Variants in BICD1 observed in about 807,000 individuals in gnomAD.
The protein encoded by BICD1 is BICD cargo adaptor 1.
Under a neutral mutation model 92.5 loss-of-function variants are expected in BICD1, and 35 were observed. The observed-to-expected ratio is 0.38, with a 90% CI of 0.29 to 0.50. BICD1 has a LOEUF of 0.50. Among genes scored for constraint, BICD1 ranks in the 20% least tolerant of loss-of-function variants. BICD1 has a pLI of 0.93. For missense variants in BICD1, 950 were observed against 1,189.8 expected (o/e 0.80, Z 2.97); for synonymous variants, 429 against 465.1 (o/e 0.92, Z 1.00).
chr12:32,374,649 C>A (rs1226411321), intron 9 of BICD1, among the ~76,000 whole-genome samples: 1 of 145,826 alleles, frequency 6.9e-6, no homozygotes, highest in African/African-American at 2.5e-5. Context: ...CTCACCGCAA[C>A]GTCTGCCTCC....
chr12:32,168,640 A>T (rs1434647480), intron 1 of BICD1, among the ~76,000 whole-genome samples: 4 of 152,146 alleles, frequency 2.6e-5, no homozygotes, highest in African/African-American at 4.8e-5. Flanking sequence ...TGGGATGTGA[A>T]CCACTCTCTT....
At chr12:32,277,992 G>A (rs1947320756) in intron 2 of BICD1, among the ~76,000 whole-genome samples, 1 of 152,098 alleles carries the variant, frequency 6.6e-6, no homozygotes, top group Admixed American at 6.5e-5. Flanking sequence ...ATGGTGATGG[G>A]AACTAAAATT....
rs1184358188 is a variant in BICD1 at position 32,142,496 on chromosome 12, A to ATTGG, written c.213+34953_213+34954insTGGT. ...TATCTATCTATCTATCTATTGGTCT[A>ATTGG]TCTATCTAGATAAAAATAGCAGTCA... On this transcript the variant is annotated intron_variant, in intron 1 of 9. Transcript: ENST00000652176. 4.9e-3 allele frequency among the ~76,000 whole-genome samples: 357 copies of ATTGG among 73,324 alleles called. 2 individuals carry two copies. Among genetic ancestry groups the ATTGG allele is most frequent in the Non-Finnish European group, 7.0e-3 (251 of 36,098 alleles). 48.1% of individuals were successfully genotyped at this position (73,324 alleles called of 152,430 possible).
intron 2 of BICD1, among the ~76,000 whole-genome samples, chr12:32,262,835 ACT>A (rs1478479338): frequency 2.0e-5 from 3 of 152,060 alleles, no homozygotes; most frequent in Non-Finnish European, 4.4e-5. Context: ...GAGAGAACAA[ACT>A]CTGCTGTTTA....
rs1035182004 is a variant in BICD1, at chr12:32,107,107, CT to C, written c.-224del. The C allele has an allele frequency of 1.8e-6, 1 of 563,272 alleles. No individual in the cohort carries two copies. Among genetic ancestry groups the C allele is most frequent in the Non-Finnish European group, 3.2e-6 (1 of 316,056 alleles). 34.9% of individuals were successfully genotyped at this position (563,272 alleles called of 1,614,324 possible). A position where few individuals can be genotyped will look rare whatever the true frequency, so the allele number is the denominator to read the frequency against. ...TGCGGCGGCCTTTGCCGCCTCGCCC[CT>C]GACCCTCTGCCCTGTTCTCCATGTT... On this transcript the variant is annotated 5_prime_UTR_variant, in exon 1 of 10. The change abolishes the stop of an existing upstream ORF in the 5' untranslated region. Coordinates refer to ENST00000652176, the MANE Select transcript of BICD1 (RefSeq NM_001714.4).
chr12:32,210,317 CA>C (rs1945179864), intron 1 of BICD1, among the ~76,000 whole-genome samples: 1 of 152,010 alleles, frequency 6.6e-6, no homozygotes, highest in Non-Finnish European at 1.5e-5. Flanking sequence ...CACGTTCTGC[CA>C]CAGTTTTTGA....
chr12:32,320,755 A>G (rs2136244097), intron 4 of BICD1, among the ~76,000 whole-genome samples: 1 of 152,354 alleles, frequency 6.6e-6, no homozygotes, highest in South Asian at 2.1e-4. Context: ...TACTTACACT[A>G]GACTAAACAG....
intron 1 of BICD1, among the ~76,000 whole-genome samples, chr12:32,121,503 G>A (rs1007886932): frequency 6.6e-6 from 1 of 151,834 alleles, no homozygotes; most frequent in African/African-American, 2.4e-5. Flanking sequence ...TGAGGCAGGA[G>A]AAACTCTTGA....
chr12:32,331,220 A>C (rs1937853965), intron 5 of BICD1, among the ~76,000 whole-genome samples: 1 of 152,190 alleles, frequency 6.6e-6, no homozygotes, highest in Non-Finnish European at 1.5e-5. Flanking sequence ...ATTTGTGAAC[A>C]AGCATTCATT....
chr12:32,249,929 TG>T (rs1292065923), intron 2 of BICD1, among the ~76,000 whole-genome samples: 1 of 151,236 alleles, frequency 6.6e-6, no homozygotes, highest in African/African-American at 2.4e-5. Context: ...TAAATGCTTC[TG>T]GGGTTGGCAT....
intron 3 of BICD1, among the ~76,000 whole-genome samples, chr12:32,297,909 G>T (rs1169623936): frequency 1.3e-5 from 2 of 152,124 alleles, no homozygotes; most frequent in African/African-American, 4.8e-5. Context: ...AAACTGGCCA[G>T]GCACGGTGGC....
intron 1 of BICD1, among the ~76,000 whole-genome samples, chr12:32,136,918 T>C (rs1264029278): frequency 6.6e-6 from 1 of 152,212 alleles, no homozygotes; most frequent in Non-Finnish European, 1.5e-5. Flanking sequence ...AAGGTGATTC[T>C]TTGCCAACCA....
At chr12:32,332,288 T>TG (rs35457665) in intron 5 of BICD1, among the ~76,000 whole-genome samples, 36,848 of 152,018 alleles carry the variant, frequency 0.24, 4,915 homozygotes, top group East Asian at 0.6. Flanking sequence ...CTTACATACC[T>TG]GGTGAAGAAA....
chr12:32,199,984 CTTTTTTAACTTTTAATA>C (rs1944858894), intron 1 of BICD1, among the ~76,000 whole-genome samples: 1 of 152,132 alleles, frequency 6.6e-6, no homozygotes, highest in Admixed American at 6.6e-5. Flanking sequence ...AGGGCACTGG[CTTTTTTAACTTTTAATA>C]TTTAACTTAA....
At chr12:32,372,758 T>C (rs1324255467) in intron 9 of BICD1, among the ~76,000 whole-genome samples, 1 of 152,082 alleles carries the variant, frequency 6.6e-6, no homozygotes, top group East Asian at 1.9e-4. Context: ...GCATCTGTAG[T>C]CCCAGCTACT....
chr12:32,372,268 T>A (rs1246688123), intron 9 of BICD1, among the ~76,000 whole-genome samples: 1 of 151,928 alleles, frequency 6.6e-6, no homozygotes, highest in Admixed American at 6.6e-5. Flanking sequence ...TCACCTGAGG[T>A]CAGGAGTTCG....
rs79588536 is a variant in BICD1, at chr12:32,360,625, C to G, written c.2765-7045C>G. 2.5e-3 allele frequency among the ~76,000 whole-genome samples: 378 copies of G among 152,144 alleles called. 6 individuals are homozygous for G. The East Asian group carries it at 0.046, about 18-fold the overall frequency. ...TGTCTGAACTTGGGCAAGCAATTAA[C>G]CAGGCATTTTTTTTTAATATTCTTG... On this transcript the variant is annotated intron_variant, in intron 8 of 9. Coordinates refer to ENST00000652176, the MANE Select transcript of BICD1 (RefSeq NM_001714.4).
chr12:32,198,344 A>ATATATATATATATATG (rs1179586071), intron 1 of BICD1, among the ~76,000 whole-genome samples: 1 of 140,392 alleles, frequency 7.1e-6, no homozygotes, highest in Non-Finnish European at 1.5e-5. Flanking sequence ...ATATATATAT[A>ATATATATATATATATG]TATATATATT....
At chr12:32,282,609 G>A (rs1237830921) in intron 2 of BICD1, among the ~76,000 whole-genome samples, 1 of 152,114 alleles carries the variant, frequency 6.6e-6, no homozygotes, top group Non-Finnish European at 1.5e-5. Context: ...ATCTAAAGCT[G>A]GAGGCCTGGA....
Sources: gnomAD v4.1 joint callset for allele counts (sites outside exome capture counted in the v4.1 genomes callset) on GRCh38, gnomAD v4.1.1 for gene constraint, MANE v1.5 for transcripts, NCBI Gene and HGNC (gene_info 2026-07-23, HGNC 2026-07-21) for gene names.